Variants in NAV2 observed in about 807,000 individuals in gnomAD.
NAV2 encodes helicase, APC down-regulated 1.
Under a neutral mutation model 223.2 loss-of-function variants are expected in NAV2, and 54 were observed. That is an observed-to-expected ratio of 0.24 (90% CI 0.19 to 0.30). The LOEUF is 0.30. Among genes scored for constraint, NAV2 ranks in the 10% least tolerant of loss-of-function variants. The pLI, the probability that NAV2 is intolerant of heterozygous loss-of-function variation, is 1.00. For synonymous variants in NAV2, 1,279 were observed against 1,239.3 expected (o/e 1.03, Z -0.67); for missense variants, 2,806 against 3,147.5 (o/e 0.89, Z 2.60).
intron 1 of NAV2, among the ~76,000 whole-genome samples, chr11:19,763,791 GT>G (rs757904066): frequency 0.049 from 6,128 of 126,208 alleles, 346 homozygotes; most frequent in African/African-American, 0.14. Context: ...TTGTTTTTTT[GT>G]TTTTTTTGTT....
At chr11:19,408,208 C>A (rs2702632) in intron 1 of NAV2, among the ~76,000 whole-genome samples, 138,611 of 152,180 alleles carry the variant, frequency 0.91, 63,443 homozygotes, top group Non-Finnish European at 0.96. Flanking sequence ...TTTGTGTGGA[C>A]ATCCAATACA....
intron 1 of NAV2, among the ~76,000 whole-genome samples, chr11:19,364,556 C>T (rs1213390110): frequency 6.6e-6 from 1 of 152,202 alleles, no homozygotes; most frequent in Non-Finnish European, 1.5e-5. Context: ...GGGTCTTTAG[C>T]TCCTGCTAGC....
intron 1 of NAV2, among the ~76,000 whole-genome samples, chr11:19,799,260 A>G (rs2058089704): frequency 4.6e-5 from 7 of 152,206 alleles, no homozygotes; most frequent in Admixed American, 4.6e-4. Context: ...TCTGGGCCAC[A>G]GGTGGGGAAC....
At chr11:20,113,714 T>C (rs1163286068) in intron 36 of NAV2, among the ~76,000 whole-genome samples, 5 of 152,178 alleles carry the variant, frequency 3.3e-5, no homozygotes, top group African/African-American at 1.2e-4. Flanking sequence ...CGGGGTTTTA[T>C]TGAGCCAGGA....
intron 1 of NAV2, among the ~76,000 whole-genome samples, chr11:19,520,824 G>A (rs2043627987): frequency 6.6e-6 from 1 of 152,228 alleles, no homozygotes; most frequent in Non-Finnish European, 1.5e-5. Flanking sequence ...TCCCAAGCTG[G>A]CACTCACAGG....
intron 1 of NAV2, among the ~76,000 whole-genome samples, chr11:19,631,826 C>G (rs1265442570): frequency 6.6e-6 from 1 of 152,220 alleles, no homozygotes. Context: ...GCAAGGATTG[C>G]TCAGTGATTA....
chr11:19,769,096 G>A (rs760946991), intron 1 of NAV2, among the ~76,000 whole-genome samples: 6 of 152,282 alleles, frequency 3.9e-5, no homozygotes, highest in Non-Finnish European at 4.4e-5. Context: ...AGTTCACAGA[G>A]CAGTTCTAAG....
intron 1 of NAV2, among the ~76,000 whole-genome samples, chr11:19,410,706 A>T (rs1850109203): frequency 6.6e-6 from 1 of 151,932 alleles, no homozygotes; most frequent in Non-Finnish European, 1.5e-5. Context: ...GGAGGTAGGG[A>T]CTCTGTGTGT....
At chr11:19,582,363 A>G (rs924628499) in intron 1 of NAV2, among the ~76,000 whole-genome samples, 6 of 152,056 alleles carry the variant, frequency 3.9e-5, no homozygotes, top group African/African-American at 1.2e-4. Flanking sequence ...GAAGCTCTTT[A>G]GTTTAATTAG....
intron 1 of NAV2, among the ~76,000 whole-genome samples, chr11:19,478,252 G>A (rs535817769): frequency 2.9e-4 from 44 of 152,136 alleles, no homozygotes; most frequent in Non-Finnish European, 4.3e-4. Flanking sequence ...AGAGAAGGGC[G>A]GAGAAAATTG....
At chr11:19,567,718 C>T (rs921111564) in intron 1 of NAV2, among the ~76,000 whole-genome samples, 3 of 152,312 alleles carry the variant, frequency 2.0e-5, no homozygotes, top group African/African-American at 7.2e-5. Context: ...AGACCACATT[C>T]TTCCTTGTCT....
intron 1 of NAV2, chr11:19,502,811 A>T (rs1045615935): frequency 3.3e-5 from 5 of 152,228 alleles, no homozygotes; most frequent in Admixed American, 1.3e-4. Context: ...CCACATTAGC[A>T]TGGTGGCTTC....
chr11:19,416,366 T>C (rs10766555), intron 1 of NAV2, among the ~76,000 whole-genome samples: 132,440 of 152,132 alleles, frequency 0.87, 58,233 homozygotes, highest in East Asian at 0.94. Flanking sequence ...GTGAATAAAA[T>C]ACCTAGGAAT....
At chr11:19,985,476 T>G (rs1297062470) in intron 11 of NAV2, among the ~76,000 whole-genome samples, 1 of 152,160 alleles carries the variant, frequency 6.6e-6, no homozygotes, top group Non-Finnish European at 1.5e-5. Flanking sequence ...CAAGTCAGAT[T>G]TTTTCCTGTA....
chr11:19,949,237 G>A (rs773543007), intron 10 of NAV2, among the ~76,000 whole-genome samples, 157 bp downstream of exon 10: 8 of 152,330 alleles, frequency 5.3e-5, no homozygotes, highest in Non-Finnish European at 1.0e-4. Context: ...GGAGGGAAAC[G>A]CTGCTCGGCT....
At chr11:19,411,499 C>G (rs1269233650) in intron 1 of NAV2, among the ~76,000 whole-genome samples, 1 of 152,146 alleles carries the variant, frequency 6.6e-6, no homozygotes, top group Admixed American at 6.5e-5. Flanking sequence ...TAAATCTCTT[C>G]TAGCTTTCCT....
intron 1 of NAV2, among the ~76,000 whole-genome samples, chr11:19,616,586 C>T (rs1389393533): frequency 1.3e-5 from 2 of 151,962 alleles, no homozygotes; most frequent in African/African-American, 4.8e-5. Flanking sequence ...GTGGAGCACC[C>T]AGGCTGGCGA....
Position 19,420,933 on chromosome 11 carries a change from G to A in NAV2, c.75+69906G>A, listed in dbSNP as rs533296152. On this transcript the variant is annotated intron_variant, in intron 1 of 37. Transcript: ENST00000360655. Reference sequence around the variant, plus strand: ...CAAGGAAAACAAAACAGAACTCAAGGGTGACCTCCACGGTGCATGGCAGGG... The same window carrying A: ...CAAGGAAAACAAAACAGAACTCAAGAGTGACCTCCACGGTGCATGGCAGGG... Among the ~76,000 whole-genome samples, 4 of 152,240 alleles carry A rather than the reference G, an allele frequency of 2.6e-5. No individual in the cohort carries two copies. The East Asian group carries it at 7.7e-4, about 29-fold the overall frequency.
intron 1 of NAV2, among the ~76,000 whole-genome samples, chr11:19,429,176 G>C (rs1275325023): frequency 2.0e-5 from 3 of 152,234 alleles, no homozygotes; most frequent in Non-Finnish European, 4.4e-5. Context: ...TGAGTCCAGA[G>C]GTGGTGGTTT....
Sources: allele counts gnomAD v4.1 joint callset (sites outside exome capture counted in the v4.1 genomes callset), GRCh38; gene constraint gnomAD v4.1.1; transcripts MANE v1.5; gene names NCBI Gene and HGNC (gene_info 2026-07-23, HGNC 2026-07-21).